CDKAL1: variants seen among roughly 807,000 people sequenced by gnomAD.
The protein encoded by CDKAL1 is threonylcarbamoyladenosine tRNA methylthiotransferase.
CDKAL1 carries 32 observed loss-of-function variants against 68.2 expected under a neutral mutation model. The observed-to-expected ratio is 0.47, with a 90% CI of 0.35 to 0.63. The LOEUF is 0.63. Ranked by LOEUF, CDKAL1 falls within the 30% of genes least tolerant of loss-of-function variation. The pLI, the probability that CDKAL1 is intolerant of heterozygous loss-of-function variation, is 0.00. For synonymous variants in CDKAL1, 234 were observed against 244.3 expected (o/e 0.96, Z 0.39); for missense variants, 606 against 696.7 (o/e 0.87, Z 1.47).
At chr6:21,154,857 G>C (rs991967342) in intron 13 of CDKAL1, among the ~76,000 whole-genome samples, 12 of 152,090 alleles carry the variant, frequency 7.9e-5, no homozygotes, top group African/African-American at 2.7e-4. Context: ...GCTGGGTGTG[G>C]TGGCACACAC....
At chr6:20,732,138 T>G (rs1772962341) in intron 5 of CDKAL1, among the ~76,000 whole-genome samples, 1 of 151,964 alleles carries the variant, frequency 6.6e-6, no homozygotes. Flanking sequence ...CTCGACCTTC[T>G]GGGCTCAAAC....
intron 9 of CDKAL1, among the ~76,000 whole-genome samples, chr6:20,867,180 C>T (rs1020778115): frequency 6.6e-6 from 1 of 152,258 alleles, no homozygotes; most frequent in South Asian, 2.1e-4. Context: ...AGCATCTCGG[C>T]ATTTGTATCT....
chr6:21,152,397 A>G (rs144699329), intron 13 of CDKAL1, among the ~76,000 whole-genome samples: 3 of 152,370 alleles, frequency 2.0e-5, no homozygotes, highest in Non-Finnish European at 4.4e-5. Context: ...CAATAGGTAC[A>G]GGCATTCAGC....
At chr6:20,847,330 T>G (rs988167653) in intron 9 of CDKAL1, among the ~76,000 whole-genome samples, 2 of 152,190 alleles carry the variant, frequency 1.3e-5, no homozygotes, top group Non-Finnish European at 2.9e-5. Flanking sequence ...TAACCAATAC[T>G]TCCAAGGATT....
intron 4 of CDKAL1, among the ~76,000 whole-genome samples, chr6:20,630,066 A>T (rs1298972979): frequency 6.6e-6 from 1 of 151,742 alleles, no homozygotes; most frequent in Non-Finnish European, 1.5e-5. Flanking sequence ...ATAGAGTTTC[A>T]CCATGTTGGC....
At chr6:20,935,325 A>G (rs906536705) in intron 9 of CDKAL1, among the ~76,000 whole-genome samples, 1 of 152,202 alleles carries the variant, frequency 6.6e-6, no homozygotes, top group African/African-American at 2.4e-5. Context: ...ATAGTTTACT[A>G]AGGCTGAATT....
At chr6:20,767,560 T>TGTAG (rs1774755433) in intron 7 of CDKAL1, among the ~76,000 whole-genome samples, 1 of 152,096 alleles carries the variant, frequency 6.6e-6, no homozygotes, top group South Asian at 2.1e-4. Context: ...ATGGCTCAGA[T>TGTAG]GTAGGTAGAA....
In CDKAL1 at chr6:20,600,721, T is replaced by C. The variant is rs546762039; in HGVS notation, c.287-48572T>C. Reference sequence around the variant, plus strand: ...TAGTGATTTGGTTGCCTTGATCATATTTAATGATGATTTAAAAAACCTGGA... The same window carrying C: ...TAGTGATTTGGTTGCCTTGATCATACTTAATGATGATTTAAAAAACCTGGA... On this transcript the variant is annotated intron_variant, in intron 4 of 15. Transcript: ENST00000274695. Among the ~76,000 whole-genome samples, 4 of 145,448 alleles carry C rather than the reference T, an allele frequency of 2.8e-5. No homozygotes were observed. In the South Asian group the frequency reaches 8.7e-4, roughly 32 times the overall value.
chr6:20,840,834 T>C (rs1285638986), intron 8 of CDKAL1, among the ~76,000 whole-genome samples: 1 of 152,222 alleles, frequency 6.6e-6, no homozygotes, highest in Non-Finnish European at 1.5e-5. Flanking sequence ...CAGTAGGCTA[T>C]ATTTAACAAT....
chr6:20,740,955 G>A (rs1419051502), intron 6 of CDKAL1, among the ~76,000 whole-genome samples: 2 of 152,304 alleles, frequency 1.3e-5, no homozygotes, highest in East Asian at 1.9e-4. Context: ...CTAGTTGGAA[G>A]TCTTTTTTAG....
chr6:20,550,805 A>T (rs1763790076), intron 4 of CDKAL1, among the ~76,000 whole-genome samples: 1 of 146,694 alleles, frequency 6.8e-6, no homozygotes, highest in Non-Finnish European at 1.5e-5. Flanking sequence ...TTAGTCCTTG[A>T]GTAGGAGGAA....
intron 12 of CDKAL1, among the ~76,000 whole-genome samples, chr6:21,076,761 G>C (rs1772095026): frequency 6.6e-6 from 1 of 152,140 alleles, no homozygotes; most frequent in Non-Finnish European, 1.5e-5. Flanking sequence ...TTTTTAGAAA[G>C]ACTATCTTGG....
In CDKAL1 at chr6:20,963,339, A is replaced by G. The variant is rs184016959; in HGVS notation, c.909+7754A>G. On this transcript the variant is annotated intron_variant, in intron 10 of 15. Transcript: ENST00000274695. Reference sequence around the variant, plus strand: ...AAAAAAAAGACTTGCATCTCTGCCCATACCTGGGTCTCGGCCTCTTTGTTC... The same window carrying G: ...AAAAAAAAGACTTGCATCTCTGCCCGTACCTGGGTCTCGGCCTCTTTGTTC... Among the ~76,000 whole-genome samples the G allele has an allele frequency of 2.4e-4, 37 of 151,384 alleles. No individual in the cohort carries two copies. The East Asian group carries it at 6.8e-3, about 28-fold the overall frequency.
intron 9 of CDKAL1, among the ~76,000 whole-genome samples, chr6:20,888,320 G>A (rs1393097776): frequency 6.7e-6 from 1 of 149,982 alleles, no homozygotes; most frequent in African/African-American, 2.5e-5. Context: ...CTTTTTTATG[G>A]CTGCATAGTA....
At chr6:20,741,284 A>T (rs1277287684) in intron 6 of CDKAL1, among the ~76,000 whole-genome samples, 1 of 151,942 alleles carries the variant, frequency 6.6e-6, no homozygotes, top group African/African-American at 2.4e-5. Flanking sequence ...TTTCTATTTA[A>T]TCCCACACCT....
At chr6:20,553,498 G>A (rs1763912135) in intron 4 of CDKAL1, among the ~76,000 whole-genome samples, 1 of 152,194 alleles carries the variant, frequency 6.6e-6, no homozygotes, top group Admixed American at 6.5e-5. Flanking sequence ...GACAGAGTGA[G>A]ACACTGTCTC....
intron 13 of CDKAL1, among the ~76,000 whole-genome samples, chr6:21,144,269 A>G (rs1169617021): frequency 6.6e-6 from 1 of 152,214 alleles, no homozygotes; most frequent in Non-Finnish European, 1.5e-5. Flanking sequence ...GCATCCTATT[A>G]GCCAGCCTCA....
At chr6:20,703,453 G>GA (rs932099580) in intron 5 of CDKAL1, among the ~76,000 whole-genome samples, 12 of 148,780 alleles carry the variant, frequency 8.1e-5, no homozygotes, top group East Asian at 2.0e-4. Context: ...AAACAAAAAG[G>GA]AAAAAAAAAC....
At chr6:20,940,412 A>G (rs2150694731) in intron 9 of CDKAL1, among the ~76,000 whole-genome samples, 1 of 152,348 alleles carries the variant, frequency 6.6e-6, no homozygotes, top group East Asian at 1.9e-4. Context: ...AGTGCTGCCC[A>G]GTAGAAATAT....
Sources: gnomAD v4.1 joint callset for allele counts (sites outside exome capture counted in the v4.1 genomes callset) on GRCh38, gnomAD v4.1.1 for gene constraint, MANE v1.5 for transcripts, NCBI Gene and HGNC (gene_info 2026-07-23, HGNC 2026-07-21) for gene names.